CDK19: variants seen among roughly 807,000 people sequenced by gnomAD.
CDK19 encodes the protein cyclin dependent kinase 19.
In CDK19, 20 loss-of-function variants were observed where a neutral mutation model predicts 68.3. That is an observed-to-expected ratio of 0.29 (90% confidence interval 0.21 to 0.43). The LOEUF (loss-of-function observed/expected upper bound fraction) is 0.43. Ranked by LOEUF, CDK19 falls within the 20% of genes least tolerant of loss-of-function variation. CDK19 has a pLI of 1.00. For missense variants in CDK19, 339 were observed against 623.5 expected (o/e 0.54, Z 4.86); for synonymous variants, 221 against 222.8 (o/e 0.99, Z 0.07).
At chr6:110,653,225 A>T (rs1781085161) in intron 4 of CDK19, among the ~76,000 whole-genome samples, 1 of 152,196 alleles carries the variant, frequency 6.6e-6, no homozygotes, top group African/African-American at 2.4e-5. Flanking sequence ...ATTCAAGGGT[A>T]TACAAGGCTA....
At chr6:110,710,599 G>C (rs1342595416) in intron 2 of CDK19, among the ~76,000 whole-genome samples, 1 of 152,220 alleles carries the variant, frequency 6.6e-6, no homozygotes, top group Non-Finnish European at 1.5e-5. Flanking sequence ...GGCACCAGGA[G>C]ATTTGCTGTC....
chr6:110,746,632 T>C (rs562109828), intron 1 of CDK19, among the ~76,000 whole-genome samples: 1 of 152,312 alleles, frequency 6.6e-6, no homozygotes, highest in Non-Finnish European at 1.5e-5. Context: ...TTTCATAGTA[T>C]AAGAAGCTTT....
chr6:110,702,206 G>A (rs959065000), intron 2 of CDK19, among the ~76,000 whole-genome samples: 1 of 152,140 alleles, frequency 6.6e-6, no homozygotes, highest in Non-Finnish European at 1.5e-5. Context: ...AGCACTTTGG[G>A]AGGCAAAGGT....
At chr6:110,776,673 T>C (rs897697718) in intron 1 of CDK19, among the ~76,000 whole-genome samples, 1 of 152,158 alleles carries the variant, frequency 6.6e-6, no homozygotes, top group Non-Finnish European at 1.5e-5. Context: ...CAAACAGCCT[T>C]CTAGACTGCA....
intron 1 of CDK19, among the ~76,000 whole-genome samples, chr6:110,778,702 T>C (rs1327848067): frequency 6.6e-6 from 1 of 152,168 alleles, no homozygotes; most frequent in Non-Finnish European, 1.5e-5. Context: ...GAACAGACCA[T>C]GGTTTTATTC....
At chr6:110,664,298 T>C (rs1470233801) in intron 4 of CDK19, among the ~76,000 whole-genome samples, 2 of 152,226 alleles carry the variant, frequency 1.3e-5, no homozygotes, top group Non-Finnish European at 2.9e-5. Flanking sequence ...CCAGCTCAAA[T>C]GCAACCTGCT....
At chr6:110,643,058 GC>G in intron 4 of CDK19, 1 of 444,258 alleles carries the variant, frequency 2.3e-6, no homozygotes, top group South Asian at 2.2e-5. Context: ...AGGACACTGA[GC>G]CTTGGGCCAC....
At chr6:110,813,773 A>G (rs1783318515) in intron 1 of CDK19, 1 of 152,260 alleles carries the variant, frequency 6.6e-6, no homozygotes, top group Non-Finnish European at 1.5e-5. Context: ...CCTAGAGTTC[A>G]TATACCAACC....
chr6:110,716,957 C>T lies in CDK19; in HGVS notation c.204+29169G>A, dbSNP rs376530069. Among the ~76,000 whole-genome samples the T allele has an allele frequency of 1.0e-3, 158 of 152,184 alleles. No individual in the cohort carries two copies. The East Asian group carries it at 0.025, about 24-fold the overall frequency. ...GACCACCCTGGCCAACACAGTGAAA[C>T]CTCGTCTCTACTAAAAATACAAAAA... On this transcript the variant is annotated intron_variant, in intron 2 of 12. Coordinates refer to ENST00000368911, the MANE Select transcript of CDK19 (RefSeq NM_015076.5).
At chr6:110,796,938 A>C (rs1216542704) in intron 1 of CDK19, among the ~76,000 whole-genome samples, 1 of 150,964 alleles carries the variant, frequency 6.6e-6, no homozygotes, top group Non-Finnish European at 1.5e-5. Context: ...TGAACCCAGG[A>C]GGCAGAGGTT....
intron 2 of CDK19, among the ~76,000 whole-genome samples, chr6:110,710,791 A>G (rs1412256831): frequency 6.6e-6 from 1 of 152,230 alleles, no homozygotes. Flanking sequence ...CTTGAAGGCT[A>G]AGATATCAAC....
At chr6:110,714,262 G>C (rs1775193718) in intron 2 of CDK19, among the ~76,000 whole-genome samples, 1 of 152,170 alleles carries the variant, frequency 6.6e-6, no homozygotes, top group Non-Finnish European at 1.5e-5. Context: ...CAGTATGGCT[G>C]AATAATATTC....
At chr6:110,626,928 T>A in intron 7 of CDK19, 74 bp downstream of exon 7, 1 of 1,433,352 alleles carries the variant, frequency 7.0e-7, no homozygotes, top group Non-Finnish European at 9.6e-7. Context: ...AAATATACAT[T>A]AAAATATGCT....
intron 2 of CDK19, among the ~76,000 whole-genome samples, chr6:110,736,585 T>A (rs1172401756): frequency 6.6e-6 from 1 of 152,188 alleles, no homozygotes; most frequent in Non-Finnish European, 1.5e-5. Flanking sequence ...AATTACTAAG[T>A]TTATGTTAAA....
At chr6:110,701,264 C>T (rs542168483) in intron 2 of CDK19, among the ~76,000 whole-genome samples, 2 of 150,786 alleles carry the variant, frequency 1.3e-5, no homozygotes, top group Non-Finnish European at 3.0e-5. Context: ...AAAATGGAGC[C>T]GGGCGTGGTG....
At chr6:110,663,825 C>T (rs1781756717) in intron 4 of CDK19, among the ~76,000 whole-genome samples, 1 of 152,088 alleles carries the variant, frequency 6.6e-6, no homozygotes, top group Admixed American at 6.5e-5. Context: ...GCCACCATGC[C>T]CAGTCAGTTC....
chr6:110,693,034 T>A (rs1353859057), intron 2 of CDK19, among the ~76,000 whole-genome samples: 1 of 151,218 alleles, frequency 6.6e-6, no homozygotes, highest in Admixed American at 6.6e-5. Flanking sequence ...GGTAAAGGGG[T>A]GAAAAAAGAT....
chr6:110,701,272 G>T (rs1274889088), intron 2 of CDK19, among the ~76,000 whole-genome samples: 1 of 151,600 alleles, frequency 6.6e-6, no homozygotes, highest in Non-Finnish European at 1.5e-5. Context: ...GCCGGGCGTG[G>T]TGGCTCAAGC....
intron 2 of CDK19, among the ~76,000 whole-genome samples, chr6:110,690,829 A>T (rs1723143614): frequency 6.6e-6 from 1 of 152,232 alleles, no homozygotes; most frequent in Non-Finnish European, 1.5e-5. Flanking sequence ...AACTATAAAC[A>T]TTAAAGTCAC....
Sources: allele counts gnomAD v4.1 joint callset (sites outside exome capture counted in the v4.1 genomes callset), GRCh38; gene constraint gnomAD v4.1.1; transcripts MANE v1.5; gene names NCBI Gene and HGNC (gene_info 2026-07-23, HGNC 2026-07-21).